Variants in HNF4G observed in about 807,000 individuals in gnomAD.
HNF4G encodes hepatocyte nuclear factor 4-gamma.
In HNF4G, 21 loss-of-function variants were observed where a neutral mutation model predicts 50.9. The observed-to-expected ratio is 0.41, with a 90% CI of 0.29 to 0.59. The LOEUF (loss-of-function observed/expected upper bound fraction) is 0.59, where lower values mean the gene tolerates loss of function less well. Among genes scored for constraint, HNF4G ranks in the 20% least tolerant of loss-of-function variants. HNF4G has a pLI of 0.26. For missense variants in HNF4G, 527 were observed against 559.4 expected (o/e 0.94, Z 0.58); for synonymous variants, 198 against 185.6 (o/e 1.07, Z -0.54).
At chr8:75,445,506 G>A (rs1321043945) in intron 1 of HNF4G, among the ~76,000 whole-genome samples, 1 of 19,246 alleles carries the variant, frequency 5.2e-5, no homozygotes, top group Non-Finnish European at 1.0e-4. Context: ...TTTTTTGAAA[G>A]GATCAACAAA....
chr8:75,559,281 T>TC (rs200907264), intron 8 of HNF4G, among the ~76,000 whole-genome samples: 1 of 150,464 alleles, frequency 6.6e-6, no homozygotes, highest in Non-Finnish European at 1.5e-5. Context: ...TTGTTTGTTT[T>TC]TTTTTTTTTT....
chr8:75,422,307 C>T (rs907470250), intron 1 of HNF4G, among the ~76,000 whole-genome samples: 4 of 152,116 alleles, frequency 2.6e-5, no homozygotes, highest in Admixed American at 2.0e-4. Flanking sequence ...ATTATGATAT[C>T]CACTAAGTTC....
chr8:75,524,148 G>A (rs2130751864), intron 2 of HNF4G, among the ~76,000 whole-genome samples: 1 of 152,102 alleles, frequency 6.6e-6, no homozygotes, highest in Middle Eastern at 3.4e-3. Flanking sequence ...ATTTTTAAAA[G>A]ACCTATAGTG....
At chr8:75,538,702 T>G (rs1259735572), upstream of HNF4G, among the ~76,000 whole-genome samples, 2 of 152,166 alleles carry the variant, frequency 1.3e-5, no homozygotes, top group Non-Finnish European at 2.9e-5. Context: ...ATCTTCACAA[T>G]TAAGAGTATA....
Position 75,417,960 on chromosome 8 carries a change from T to TACACACAC in HNF4G, c.-144+9818_-144+9825dup, listed in dbSNP as rs144672882. 3.2e-3 allele frequency among the ~76,000 whole-genome samples: 476 copies of TACACACAC among 148,862 alleles called. 2 individuals are homozygous for TACACACAC. The highest frequency in any genetic ancestry group is 0.011 in the African/African-American group (441 of 40,672). ...AGTTAATTATAAATGTGTGTGTGTC[T>TACACACAC]ACACACACACACACACACACACACA... On this transcript the variant is annotated intron_variant, in intron 1 of 10. Coordinates refer to the HNF4G transcript ENST00000354370.
rs1807469820 is a variant in HNF4G at position 75,566,744 on chromosome 8, T to C, written c.*2648T>C. On this transcript the variant is annotated 3_prime_UTR_variant, in exon 10 of 10. Coordinates refer to ENST00000396423, the MANE Select transcript of HNF4G (RefSeq NM_004133.5). ...TCAAAAATTAGTAGATTTTTTACCA[T>C]GTTAAATTATAGTGAGATTAAAGTA... 6.6e-6 allele frequency: 1 copy of C among 152,320 alleles called. No homozygotes were observed. The highest frequency in any genetic ancestry group is 2.1e-4 in the South Asian group (1 of 4,836). The allele number at this position is 152,320 out of a possible 1,614,324, so 9.4% of individuals were successfully genotyped here.
At chr8:75,436,357 G>A (rs189684168) in intron 1 of HNF4G, among the ~76,000 whole-genome samples, 1 of 152,208 alleles carries the variant, frequency 6.6e-6, no homozygotes, top group African/African-American at 2.4e-5. Flanking sequence ...AGTGGGACAA[G>A]GAAAGACCTC....
chr8:75,545,665 G>T (rs1176304724), intron 2 of HNF4G, among the ~76,000 whole-genome samples: 1 of 151,948 alleles, frequency 6.6e-6, no homozygotes, highest in Non-Finnish European at 1.5e-5. Context: ...CTGAGGTTGG[G>T]ATTTCCTTCA....
At chr8:75,522,365 G>A (rs1181578248) in intron 2 of HNF4G, among the ~76,000 whole-genome samples, 2 of 152,090 alleles carry the variant, frequency 1.3e-5, no homozygotes, top group Non-Finnish European at 2.9e-5. Flanking sequence ...GGATTAAATA[G>A]TTCTTTATAA....
chr8:75,464,012 G>T, intron 1 of HNF4G, among the ~76,000 whole-genome samples: 1 of 152,042 alleles, frequency 6.6e-6, no homozygotes, highest in East Asian at 1.9e-4. Flanking sequence ...AACCTCAGGT[G>T]ATCCACCTGC....
rs36098920 is a variant in HNF4G, at chr8:75,434,675, A to AACACACACACACACACAC, written c.-144+26527_-144+26544dup. Among the ~76,000 whole-genome samples, 330 of 145,780 alleles carry AACACACACACACACACAC rather than the reference A, an allele frequency of 2.3e-3. 3 individuals carry two copies. Among genetic ancestry groups the AACACACACACACACACAC allele is most frequent in the African/African-American group, 7.0e-3 (279 of 39,764 alleles). ...ATTCCAGAACACAAACAACAAGGCC[A>AACACACACACACACACAC]ACACACACACACACACACACACACA... On this transcript the variant is annotated intron_variant, in intron 1 of 10. Coordinates refer to the HNF4G transcript ENST00000354370.
chr8:75,458,869 T>C (rs1301734825), intron 1 of HNF4G, among the ~76,000 whole-genome samples: 2 of 152,202 alleles, frequency 1.3e-5, no homozygotes, highest in African/African-American at 4.8e-5. Context: ...ACTTATATTT[T>C]AACTGCTATT....
chr8:75,434,002 C>CTTTT (rs139429237), intron 1 of HNF4G, among the ~76,000 whole-genome samples: 40 of 123,264 alleles, frequency 3.2e-4, no homozygotes, highest in South Asian at 8.0e-4. Context: ...TGTTTCTTTT[C>CTTTT]TTTTTTTTTT....
chr8:75,466,147 T>G (rs1040660840), intron 1 of HNF4G, among the ~76,000 whole-genome samples: 1 of 152,182 alleles, frequency 6.6e-6, no homozygotes, highest in East Asian at 1.9e-4. Context: ...TTTCTGAGAC[T>G]TTAAACACCA....
rs147462848 is a variant in HNF4G at position 75,450,433 on chromosome 8, T to G, written c.-143-39656T>G. 3.9e-3 allele frequency among the ~76,000 whole-genome samples: 600 copies of G among 152,320 alleles called. 3 individuals are homozygous for G. The highest frequency in any genetic ancestry group is 0.014 in the Middle Eastern group (4 of 294). On this transcript the variant is annotated intron_variant, in intron 1 of 10. Transcript: ENST00000354370. The stretch of plus-strand genomic sequence containing the variant: ...TAAGGCCTGCAACATACTGATTTCA[T>G]ATTCTTTGAATAGATACACGGTAGT...
At chr8:75,443,708 A>G (rs1811347191) in intron 1 of HNF4G, among the ~76,000 whole-genome samples, 1 of 152,160 alleles carries the variant, frequency 6.6e-6, no homozygotes, top group Admixed American at 6.5e-5. Flanking sequence ...TATATATGGC[A>G]TGTGATTTTT....
At chr8:75,441,987 G>A (rs1175181712) in intron 1 of HNF4G, among the ~76,000 whole-genome samples, 1 of 152,064 alleles carries the variant, frequency 6.6e-6, no homozygotes, top group Non-Finnish European at 1.5e-5. Flanking sequence ...AATAAATAAA[G>A]CATTCTTGTG....
chr8:75,526,105 A>AATTAATTT (rs1554577818), intron 2 of HNF4G, among the ~76,000 whole-genome samples: 1 of 143,728 alleles, frequency 7.0e-6, no homozygotes, highest in Non-Finnish European at 1.5e-5. Context: ...TACTTGCTCA[A>AATTAATTT]ATTTATTTAT....
rs73347062 is a variant in HNF4G, at chr8:75,528,932, C to T, written c.-23-14879C>T. ...GGAAACTTACAATCATGGCAGAAGG[C>T]GAAGCAGGACACCTCCTGCCTGGCA... On this transcript the variant is annotated intron_variant, in intron 2 of 10. Transcript: ENST00000354370. 6.3e-3 allele frequency among the ~76,000 whole-genome samples: 955 copies of T among 152,114 alleles called. 15 individuals are homozygous for T. Among genetic ancestry groups the T allele is most frequent in the African/African-American group, 0.022 (895 of 41,484 alleles).
Sources: gnomAD v4.1 joint callset for allele counts (sites outside exome capture counted in the v4.1 genomes callset) on GRCh38, gnomAD v4.1.1 for gene constraint, MANE v1.5 for transcripts, NCBI Gene and HGNC (gene_info 2026-07-23, HGNC 2026-07-21) for gene names.